SNTB2: variants seen among roughly 807,000 people sequenced by gnomAD.
SNTB2 encodes beta-2-syntrophin.
In SNTB2, 34 loss-of-function variants were observed where a neutral mutation model predicts 46.2. That is an observed-to-expected ratio of 0.74 (90% CI 0.56 to 0.98). The LOEUF (loss-of-function observed/expected upper bound fraction) is 0.98, where lower values mean the gene tolerates loss of function less well. Among genes scored for constraint, SNTB2 ranks in the 50% least tolerant of loss-of-function variants. SNTB2 has a pLI of 0.00. For missense variants in SNTB2, 603 were observed against 731.4 expected (o/e 0.82, Z 2.02); for synonymous variants, 290 against 312.6 (o/e 0.93, Z 0.76).
rs751283655 is a variant in SNTB2 at position 69,187,185 on chromosome 16, A to G, written c.19A>G (p.Thr7Ala). The change falls in exon 1 of 7, where the codon ACT becomes GCT. Residue 7 changes from threonine to alanine, a missense_variant. Thr to Ala is a moderately conservative substitution (Grantham distance 58, BLOSUM62 0). Transcript: ENST00000336278. MRVAAA[T>A]AAAGAGPAMA... is the part of the protein sequence containing the mutation. ...GACTGGAATGAGGGTAGCTGCGGCG[A>G]CTGCGGCGGCTGGAGCGGGGCCGGC... The G allele has an allele frequency of 2.8e-5, 39 of 1,377,926 alleles. No homozygotes were observed. The African/African-American group carries it at 4.0e-4, about 14-fold the overall frequency. 85.4% of individuals were successfully genotyped at this position (1,377,926 alleles called of 1,614,324 possible).
intron 5 of SNTB2, among the ~76,000 whole-genome samples, chr16:69,286,446 G>A (rs913234470): frequency 6.6e-6 from 1 of 152,172 alleles, no homozygotes; most frequent in African/African-American, 2.4e-5. Context: ...CACTTTGGAA[G>A]GCTAAGGCTG....
At chr16:69,226,585 G>A (rs913849813) in intron 1 of SNTB2, among the ~76,000 whole-genome samples, 5 of 152,122 alleles carry the variant, frequency 3.3e-5, no homozygotes, top group Admixed American at 2.0e-4. Flanking sequence ...ACTGGAGTGC[G>A]GTGGTGGGAT....
intron 1 of SNTB2, among the ~76,000 whole-genome samples, chr16:69,228,094 A>T (rs1964475905): frequency 2.0e-5 from 3 of 152,116 alleles, no homozygotes; most frequent in Admixed American, 2.0e-4. Context: ...CTCACTCTGT[A>T]GGTTATGTTC....
At chr16:69,220,802 G>A (rs1323103088) in intron 1 of SNTB2, among the ~76,000 whole-genome samples, 3 of 152,070 alleles carry the variant, frequency 2.0e-5, no homozygotes, top group African/African-American at 7.2e-5. Context: ...AAAGCCCTAG[G>A]ATTACAGGAA....
chr16:69,277,899 A>G (rs1339178247), intron 4 of SNTB2, among the ~76,000 whole-genome samples: 1 of 152,198 alleles, frequency 6.6e-6, no homozygotes, highest in East Asian at 1.9e-4. Flanking sequence ...ATAAAAAGTG[A>G]GGCCAGGAGT....
intron 3 of SNTB2, among the ~76,000 whole-genome samples, chr16:69,268,022 T>G (rs1345023521): frequency 1.3e-5 from 2 of 152,220 alleles, no homozygotes; most frequent in Non-Finnish European, 2.9e-5. Flanking sequence ...GGGCTTTTCT[T>G]GAATATAGTC....
chr16:69,297,603 G>A (rs1015220753), intron 5 of SNTB2, among the ~76,000 whole-genome samples: 4 of 141,426 alleles, frequency 2.8e-5, no homozygotes, highest in Non-Finnish European at 4.6e-5. Flanking sequence ...GAGACAGAGC[G>A]AGACTCTGTC....
chr16:69,237,021 G>A (rs1221490878), intron 1 of SNTB2, among the ~76,000 whole-genome samples: 1 of 152,182 alleles, frequency 6.6e-6, no homozygotes, highest in Non-Finnish European at 1.5e-5. Context: ...GTGAGCACAG[G>A]AGCAGGGGAT....
rs1341734170 is a variant in SNTB2, at chr16:69,187,295, G to A, written c.129G>A (p.Leu43=). 1 of 1,487,380 alleles carries A rather than the reference G, an allele frequency of 6.7e-7. No homozygotes were observed. The highest frequency in any genetic ancestry group is 1.4e-5 in the African/African-American group (1 of 69,628). The allele number at this position is 1,487,380 out of a possible 1,614,324, so 92.1% of individuals were successfully genotyped here. Residue 43 remains leucine (L), a synonymous_variant, in exon 1 of 7, where the codon CTG becomes CTA. Transcript: ENST00000336278. ...GCTGGGTCCGAGTGGTGGCCGAGCTGAGCGGGGAGAGCCTGAGCCTGACGG... is the reference window on the plus strand; with the variant it reads ...GCTGGGTCCGAGTGGTGGCCGAGCTAAGCGGGGAGAGCCTGAGCCTGACGG... ...RERWVRVVAE[L]SGESLSLTGD...
intron 5 of SNTB2, among the ~76,000 whole-genome samples, chr16:69,298,232 A>C (rs2143203900): frequency 6.6e-6 from 1 of 152,224 alleles, no homozygotes. Context: ...AGCATGACCC[A>C]CCACACCTGG....
intron 4 of SNTB2, among the ~76,000 whole-genome samples, chr16:69,279,770 C>A (rs747411282): frequency 1.1e-4 from 16 of 151,444 alleles, no homozygotes; most frequent in Non-Finnish European, 2.1e-4. Flanking sequence ...CCTTATGATC[C>A]GCCCACCTCA....
chr16:69,262,960 A>G (rs1348002060), intron 3 of SNTB2, among the ~76,000 whole-genome samples: 4 of 151,846 alleles, frequency 2.6e-5, no homozygotes, highest in Non-Finnish European at 4.4e-5. Context: ...CGGCCAATAC[A>G]TTATTATTAA....
intron 1 of SNTB2, among the ~76,000 whole-genome samples, chr16:69,218,392 A>G (rs895827267): frequency 1.3e-5 from 2 of 151,818 alleles, no homozygotes; most frequent in Admixed American, 6.6e-5. Context: ...TTTTCAAAGC[A>G]TTGATGGTTC....
intron 4 of SNTB2, among the ~76,000 whole-genome samples, chr16:69,283,199 G>T (rs901344729): frequency 6.6e-6 from 1 of 152,148 alleles, no homozygotes; most frequent in African/African-American, 2.4e-5. Context: ...GGTCTCCAGT[G>T]ATCCTTCTGC....
intron 2 of SNTB2, 118 bp downstream of exon 2, chr16:69,245,933 G>C: frequency 9.4e-7 from 1 of 1,060,046 alleles, no homozygotes; most frequent in South Asian, 1.5e-5. Context: ...TCTGAGGTGA[G>C]AGATGCATTT....
Position 69,187,409 on chromosome 16 carries a change from C to T in SNTB2, c.243C>T (p.Asp81=). The T allele has an allele frequency of 8.0e-7, 1 of 1,255,900 alleles. No homozygotes were observed. The highest frequency in any genetic ancestry group is 1.0e-6 in the Non-Finnish European group (1 of 1,003,832). 77.8% of individuals were successfully genotyped at this position (1,255,900 alleles called of 1,614,324 possible). A position where few individuals can be genotyped will look rare whatever the true frequency, so the allele number is the denominator to read the frequency against. ...NGLPNGGGAG[D]SLPGSPSRGL... Reference sequence around the variant, plus strand: ...TCCCAAACGGCGGCGGCGCGGGCGACTCGCTGCCCGGGAGCCCAAGCCGCG... The same window carrying T: ...TCCCAAACGGCGGCGGCGCGGGCGATTCGCTGCCCGGGAGCCCAAGCCGCG... The change falls in exon 1 of 7, where the codon GAC becomes GAT. Residue 81 remains aspartate (D), a synonymous_variant. Coordinates refer to ENST00000336278, the MANE Select transcript of SNTB2 (RefSeq NM_006750.4).
intron 4 of SNTB2, among the ~76,000 whole-genome samples, chr16:69,279,770 C>T (rs747411282): frequency 1.3e-5 from 2 of 151,444 alleles, no homozygotes; most frequent in Admixed American, 6.6e-5. Flanking sequence ...CCTTATGATC[C>T]GCCCACCTCA....
intron 2 of SNTB2, among the ~76,000 whole-genome samples, chr16:69,258,605 CTTTTTTTTTTTT>C (rs67116274): frequency 6.0e-4 from 50 of 83,504 alleles, no homozygotes; most frequent in Non-Finnish European, 7.7e-4. Flanking sequence ...CTTGTTCTTT[CTTTTTTTTTTTT>C]TTTTTTTTTT....
chr16:69,291,435 A>T (rs1965158156), intron 5 of SNTB2, among the ~76,000 whole-genome samples: 1 of 152,194 alleles, frequency 6.6e-6, no homozygotes, highest in Non-Finnish European at 1.5e-5. Flanking sequence ...TAGTTGGCCC[A>T]GCGCTGTGGC....
Sources: allele counts gnomAD v4.1 joint callset (sites outside exome capture counted in the v4.1 genomes callset), GRCh38; gene constraint gnomAD v4.1.1; transcripts MANE v1.5; gene names NCBI Gene and HGNC (gene_info 2026-07-23, HGNC 2026-07-21).